Variants in HSF2 observed in about 807,000 individuals in gnomAD.
The protein encoded by HSF2 is heat shock transcription factor 2, also known as heat shock factor protein 2.
Under a neutral mutation model 65.0 loss-of-function variants are expected in HSF2, and 21 were observed. That is an observed-to-expected ratio of 0.32 (90% CI 0.23 to 0.47). The LOEUF (loss-of-function observed/expected upper bound fraction) is 0.47. Among genes scored for constraint, HSF2 ranks in the 20% least tolerant of loss-of-function variants. The pLI is 1.00. For synonymous variants in HSF2, 225 were observed against 219.1 expected (o/e 1.03, Z -0.24); for missense variants, 499 against 628.1 (o/e 0.79, Z 2.20).
At chr6:122,408,622 G>A (rs976436749) in intron 1 of HSF2, among the ~76,000 whole-genome samples, 3 of 152,004 alleles carry the variant, frequency 2.0e-5, no homozygotes, top group African/African-American at 7.2e-5. Context: ...ATAAATCAGT[G>A]AGCAAATCAT....
In HSF2 at chr6:122,416,216, C is replaced by T. The variant is rs770909741; in HGVS notation, c.456-5C>T. On this transcript the variant is annotated splice_polypyrimidine_tract_variant and splice_region_variant and intron_variant, in intron 4 of 12. Transcript: ENST00000368455. ...TGTTTTGTTGCTTAATAAATTATAACATAGTGAGAATGAGTCCCTTTGGAA... is the reference window on the plus strand; with the variant it reads ...TGTTTTGTTGCTTAATAAATTATAATATAGTGAGAATGAGTCCCTTTGGAA... 1.3e-6 allele frequency: 2 copies of T among 1,567,374 alleles called. No homozygotes were observed. Among genetic ancestry groups the T allele is most frequent in the Admixed American group, 3.4e-5 (2 of 59,570 alleles).
chr6:122,417,915 T>C (rs1448500616), intron 5 of HSF2, among the ~76,000 whole-genome samples: 5 of 152,186 alleles, frequency 3.3e-5, no homozygotes, highest in African/African-American at 4.8e-5. Context: ...AGCAATTTAG[T>C]GTCTACCCTC....
intron 1 of HSF2, among the ~76,000 whole-genome samples, chr6:122,400,118 C>G (rs1562195385): frequency 6.6e-6 from 1 of 152,176 alleles, no homozygotes; most frequent in African/African-American, 2.4e-5. Context: ...CGTTCGGAAC[C>G]GGCCCGGCGT....
intron 7 of HSF2, 115 bp from the exon 8 acceptor site, chr6:122,422,035 T>TA (rs1774246602): frequency 1.4e-6 from 1 of 695,700 alleles, no homozygotes; most frequent in African/African-American, 1.8e-5. Flanking sequence ...ACACACCTGT[T>TA]TTGCATACCC....
chr6:122,413,530 A>G lies in HSF2; in HGVS notation c.336A>G (p.Ser112=), dbSNP rs774362806. ...DLLENIKRKV[S]SSKPEENKIR... ...CTAAATTTACTTTTTCAAAGGTTTC[A>G]TCTTCAAAACCAGAAGAAAATAAAA... Residue 112 remains serine (S), a synonymous_variant, in exon 4 of 13, where the codon TCA becomes TCG. Transcript: ENST00000368455. 1.3e-6 allele frequency: 2 copies of G among 1,567,146 alleles called. No homozygotes were observed. The highest frequency in any genetic ancestry group is 1.7e-5 in the Admixed American group (1 of 57,416).
intron 12 of HSF2, 68 bp from the exon 13 acceptor site, chr6:122,431,857 A>AT: frequency 1.4e-6 from 2 of 1,419,986 alleles, no homozygotes; most frequent in Non-Finnish European, 1.9e-6. Flanking sequence ...CTCTGTTTTC[A>AT]TTTTTTTCCC....
At chr6:122,403,062 GC>G (rs1773777016) in intron 1 of HSF2, among the ~76,000 whole-genome samples, 3 of 151,496 alleles carry the variant, frequency 2.0e-5, no homozygotes, top group Admixed American at 2.0e-4. Context: ...TGAGTGTAAG[GC>G]AAGGGAAAAA....
Position 122,422,930 on chromosome 6 carries a change from T to C in HSF2, c.1043T>C (p.Leu348Ser), listed in dbSNP as rs1193392557. 2 of 1,613,546 alleles carry C rather than the reference T, an allele frequency of 1.2e-6. No homozygotes were observed. Among genetic ancestry groups the C allele is most frequent in the Admixed American group, 3.3e-5 (2 of 59,906 alleles). ...EDPVTMMDSI[L>S]NDNINLLGKV... ...CCAGTGACCATGATGGATTCCATTT[T>C]GAATGATAACATCAATCTTTTGGGA... The change falls in exon 9 of 13, where the codon TTG becomes TCG. Residue 348 changes from leucine (L) to serine (S), a missense_variant. Leu to Ser is a moderately radical substitution (Grantham distance 145). Transcript: ENST00000368455.
chr6:122,414,014 C>G (rs944897039), intron 4 of HSF2, among the ~76,000 whole-genome samples: 2 of 151,942 alleles, frequency 1.3e-5, no homozygotes, highest in African/African-American at 4.8e-5. Flanking sequence ...ACATAAAAAC[C>G]CTGTATGTTA....
chr6:122,432,570 T>G lies in HSF2; in HGVS notation c.*350T>G, dbSNP rs969363456. Reference sequence around the variant, plus strand: ...GTTTTCCTGTTTGATGCTGTCTATTTGCATTGAGTGTAAGTCATTTGAACT... The same window carrying G: ...GTTTTCCTGTTTGATGCTGTCTATTGGCATTGAGTGTAAGTCATTTGAACT... On this transcript the variant is annotated 3_prime_UTR_variant, in exon 13 of 13. Transcript: ENST00000368455. 1.9e-5 allele frequency: 4 copies of G among 208,748 alleles called. No homozygotes were observed. The highest frequency in any genetic ancestry group is 3.9e-5 in the Non-Finnish European group (4 of 102,822). 12.9% of individuals were successfully genotyped at this position (208,748 alleles called of 1,614,324 possible).
chr6:122,423,637 C>G lies in HSF2; in HGVS notation c.1127C>G (p.Ala376Gly). The change falls in exon 10 of 13, where the codon GCC becomes GGC. Residue 376 changes from alanine (A) to glycine (G), a missense_variant. By Grantham distance (60) the Ala-to-Gly change is moderately conservative. This residue lies in a region of HSF2 where 349 missense variants were observed against 393.5 expected (regional missense o/e 0.89). Transcript: ENST00000368455. ...GACTGCAGTTTAGAGGACTTCCAGGCCATGCTATCAGGAAGACAATTTAGC... is the reference window on the plus strand; with the variant it reads ...GACTGCAGTTTAGAGGACTTCCAGGGCATGCTATCAGGAAGACAATTTAGC... ...SIDCSLEDFQ[A>G]MLSGRQFSID... 1 of 1,610,692 alleles carries G rather than the reference C, an allele frequency of 6.2e-7. No individual in the cohort carries two copies. Among genetic ancestry groups the G allele is most frequent in the Non-Finnish European group, 8.5e-7 (1 of 1,177,922 alleles).
chr6:122,430,445 C>G (rs1444496861), intron 11 of HSF2, among the ~76,000 whole-genome samples: 1 of 151,966 alleles, frequency 6.6e-6, no homozygotes, highest in Admixed American at 6.6e-5. Flanking sequence ...TGGAAAATAC[C>G]TATTTTAGGA....
intron 1 of HSF2, among the ~76,000 whole-genome samples, chr6:122,401,316 G>C (rs1434716731): frequency 6.6e-6 from 1 of 152,148 alleles, no homozygotes; most frequent in East Asian, 1.9e-4. Flanking sequence ...TGACAAGAAG[G>C]ATCAGTACAG....
chr6:122,430,059 T>C (rs1245884556), intron 11 of HSF2, among the ~76,000 whole-genome samples: 2 of 152,080 alleles, frequency 1.3e-5, no homozygotes, highest in South Asian at 2.1e-4. Context: ...TTTTCTGTTG[T>C]TTGGAATAGT....
intron 1 of HSF2, among the ~76,000 whole-genome samples, chr6:122,402,261 A>G (rs771589513): frequency 6.6e-6 from 1 of 152,226 alleles, no homozygotes; most frequent in African/African-American, 2.4e-5. Flanking sequence ...GTTGCTTGCC[A>G]CAAGTCAATG....
intron 1 of HSF2, among the ~76,000 whole-genome samples, chr6:122,401,854 A>G (rs564900531): frequency 6.6e-6 from 1 of 152,312 alleles, no homozygotes; most frequent in Non-Finnish European, 1.5e-5. Flanking sequence ...TAGCCTTATC[A>G]TTGTATAGAT....
intron 1 of HSF2, 123 bp from the exon 2 acceptor site, chr6:122,412,250 T>C (rs1031810728): frequency 3.3e-6 from 2 of 608,612 alleles, no homozygotes; most frequent in African/African-American, 3.7e-5. Context: ...GAATAGAATG[T>C]TGGTCTGAAG....
intron 11 of HSF2, among the ~76,000 whole-genome samples, chr6:122,429,677 T>C (rs557851402): frequency 2.4e-4 from 37 of 152,294 alleles, no homozygotes; most frequent in Non-Finnish European, 5.0e-4. Context: ...TTGTGAGATA[T>C]GTTCCATCAA....
In HSF2 at chr6:122,432,605, ACTCCTAAAGCTTT is replaced by A; in HGVS notation, c.*389_*401del. On this transcript the variant is annotated 3_prime_UTR_variant, in exon 13 of 13. Coordinates refer to ENST00000368455, the MANE Select transcript of HSF2 (RefSeq NM_004506.4). ...GTAAGTCATTTGAACTAATGGTATA[ACTCCTAAAGCTTT>A]CTCTGCTCCAGTTATTTTTATTAAA... The A allele has an allele frequency of 6.2e-6, 1 of 162,008 alleles. No individual in the cohort carries two copies. The highest frequency in any genetic ancestry group is 1.7e-4 in the South Asian group (1 of 5,772). The allele number at this position is 162,008 out of a possible 1,614,324, so 10.0% of individuals were successfully genotyped here.
Sources: allele counts gnomAD v4.1 joint callset (sites outside exome capture counted in the v4.1 genomes callset), GRCh38; gene constraint gnomAD v4.1.1; regional missense constraint gnomAD v4.1.1; transcripts MANE v1.5; gene names NCBI Gene and HGNC (gene_info 2026-07-23, HGNC 2026-07-21).